Variants in PHF20 observed in about 807,000 individuals in gnomAD.
The protein encoded by PHF20 is glioma-expressed antigen 2.
A neutral mutation model predicts 113.5 loss-of-function variants in PHF20; 23 were observed. That is an observed-to-expected ratio of 0.20 (90% confidence interval 0.15 to 0.29). The LOEUF (loss-of-function observed/expected upper bound fraction) is 0.29, where lower values mean the gene tolerates loss of function less well. PHF20 is among the 10% of genes least tolerant of loss of function. The pLI is 1.00. For missense variants in PHF20, 943 were observed against 1,219.6 expected, an observed-to-expected ratio of 0.77 and a Z score of 3.38; for synonymous variants, 434 against 457.3, an observed-to-expected ratio of 0.95 and a Z score of 0.65.
intron 15 of PHF20, among the ~76,000 whole-genome samples, chr20:35,932,286 C>T (rs1488553091): frequency 2.0e-5 from 3 of 151,596 alleles, no homozygotes; most frequent in Non-Finnish European, 4.4e-5. Context: ...CCAGGCTGGT[C>T]TTGAACTCCT....
At chr20:35,843,704 TCCCAAGTAGCTGGGACCACGGG>T (rs1484235419) in intron 3 of PHF20, among the ~76,000 whole-genome samples, 1 of 151,860 alleles carries the variant, frequency 6.6e-6, no homozygotes, top group Non-Finnish European at 1.5e-5. Context: ...CACTTCAACT[TCCCAAGTAGCTGGGACCACGGG>T]CCCACCACAC....
At chr20:35,939,725 T>C (rs1415518278) in intron 16 of PHF20, among the ~76,000 whole-genome samples, 2 of 152,250 alleles carry the variant, frequency 1.3e-5, no homozygotes, top group Non-Finnish European at 2.9e-5. Flanking sequence ...CATTGTGCCC[T>C]GTCCTCAGTT....
At chr20:35,827,581 G>A (rs1387308051) in intron 2 of PHF20, among the ~76,000 whole-genome samples, 2 of 151,926 alleles carry the variant, frequency 1.3e-5, no homozygotes, top group African/African-American at 2.4e-5. Flanking sequence ...TCAGGAGATC[G>A]AGACCATCCT....
intron 10 of PHF20, among the ~76,000 whole-genome samples, chr20:35,903,077 C>CCTTTTTTTT (rs1555799692): frequency 3.3e-5 from 2 of 60,004 alleles, no homozygotes; most frequent in African/African-American, 6.7e-5. Flanking sequence ...CCTATCCTTT[C>CCTTTTTTTT]TTTTTTTTTT....
At chr20:35,944,176 A>G (rs2056043360) in intron 17 of PHF20, among the ~76,000 whole-genome samples, 1 of 152,176 alleles carries the variant, frequency 6.6e-6, no homozygotes, top group African/African-American at 2.4e-5. Context: ...AGCACATGGT[A>G]TGGAGAGGGT....
chr20:35,845,226 C>T (rs1299476781), intron 3 of PHF20, among the ~76,000 whole-genome samples: 1 of 149,600 alleles, frequency 6.7e-6, no homozygotes, highest in African/African-American at 2.5e-5. Context: ...CCTGTAATAA[C>T]AGTTTGTTTT....
intron 10 of PHF20, among the ~76,000 whole-genome samples, chr20:35,907,749 A>T (rs1227679863): frequency 6.6e-6 from 1 of 152,184 alleles, no homozygotes; most frequent in Admixed American, 6.5e-5. Flanking sequence ...TACTTGGTTT[A>T]TGGCCAAGCA....
chr20:35,920,365 G>T (rs2147096067), intron 13 of PHF20, among the ~76,000 whole-genome samples: 1 of 152,152 alleles, frequency 6.6e-6, no homozygotes, highest in South Asian at 2.1e-4. Context: ...TGCTCTTTTT[G>T]TTAATAGAAC....
intron 2 of PHF20, among the ~76,000 whole-genome samples, chr20:35,825,564 C>CT (rs1163602833): frequency 6.6e-6 from 1 of 152,048 alleles, no homozygotes; most frequent in Admixed American, 6.6e-5. Flanking sequence ...TGGCTAAAAA[C>CT]TTTTTTGATA....
chr20:35,829,137 G>A (rs73095518), intron 2 of PHF20, among the ~76,000 whole-genome samples: 3,178 of 152,220 alleles, frequency 0.021, 59 homozygotes, highest in Non-Finnish European at 0.031. Context: ...ATGTTCTCAC[G>A]ATGTAGCACC....
intron 14 of PHF20, among the ~76,000 whole-genome samples, chr20:35,929,080 C>G (rs1293376554): frequency 2.0e-5 from 3 of 152,216 alleles, no homozygotes; most frequent in Admixed American, 1.3e-4. Flanking sequence ...TAGAGCTAGA[C>G]AGTGCTTGAG....
intron 1 of PHF20, among the ~76,000 whole-genome samples, chr20:35,788,044 C>G (rs1359582591): frequency 2.6e-5 from 4 of 152,264 alleles, no homozygotes; most frequent in Middle Eastern, 6.8e-3. Flanking sequence ...TCCCAAAGTG[C>G]TGGGATTACA....
At chr20:35,926,142 G>C (rs2055627683) in intron 13 of PHF20, among the ~76,000 whole-genome samples, 1 of 139,538 alleles carries the variant, frequency 7.2e-6, no homozygotes, top group Non-Finnish European at 1.5e-5. Context: ...AAAAAAAAAA[G>C]TTACCATTTT....
chr20:35,880,454 G>A (rs1020236365), intron 9 of PHF20, among the ~76,000 whole-genome samples: 2 of 152,160 alleles, frequency 1.3e-5, no homozygotes, highest in Non-Finnish European at 2.9e-5. Context: ...TCAGGATAGG[G>A]AGATAGCCTG....
chr20:35,844,411 T>G (rs577109231), intron 3 of PHF20, among the ~76,000 whole-genome samples: 17 of 143,094 alleles, frequency 1.2e-4, no homozygotes, highest in Non-Finnish European at 1.7e-4. Flanking sequence ...CGGTTTTTTT[T>G]TTTTGGTTTT....
chr20:35,901,922 T>C (rs1348066815), intron 10 of PHF20, among the ~76,000 whole-genome samples: 1 of 151,994 alleles, frequency 6.6e-6, no homozygotes. Flanking sequence ...ACCTGAGTTC[T>C]TGTGATTAGT....
At chr20:35,882,168 T>G (rs1464041286) in intron 9 of PHF20, among the ~76,000 whole-genome samples, 1 of 152,230 alleles carries the variant, frequency 6.6e-6, no homozygotes, top group Admixed American at 6.5e-5. Context: ...TGGTTTTGAT[T>G]AATGACTTAA....
At chr20:35,818,540 G>A (rs1442627345) in intron 2 of PHF20, among the ~76,000 whole-genome samples, 3 of 151,966 alleles carry the variant, frequency 2.0e-5, no homozygotes, top group South Asian at 2.1e-4. Flanking sequence ...GATTACAGGT[G>A]CCTGGCCTAG....
Position 35,850,296 on chromosome 20 carries a change from GTTTTTTTTTTTTT to G in PHF20, c.340+2879_340+2891del, listed in dbSNP as rs554100863. ...CTGGGGCTGCTTAGCTTCCCCCTCC[GTTTTTTTTTTTTT>G]TTTTTTTTTTTTTTTTGGTGACAGA... On this transcript the variant is annotated intron_variant, in intron 4 of 17. Transcript: ENST00000374012. Among the ~76,000 whole-genome samples, 219 of 62,358 alleles carry G rather than the reference GTTTTTTTTTTTTT, an allele frequency of 3.5e-3. 2 individuals are homozygous for G. The highest frequency in any genetic ancestry group is 0.01 in the African/African-American group (181 of 17,654). 40.9% of individuals were successfully genotyped at this position (62,358 alleles called of 152,430 possible).
Sources: allele counts gnomAD v4.1 joint callset (sites outside exome capture counted in the v4.1 genomes callset), GRCh38; gene constraint gnomAD v4.1.1; transcripts MANE v1.5; gene names NCBI Gene and HGNC (gene_info 2026-07-23, HGNC 2026-07-21).